The following POU6F2 variants were observed in gnomAD, a reference collection of about 807,000 sequenced individuals.
POU6F2 encodes the protein POU domain, class 6, transcription factor 2.
In POU6F2, 31 loss-of-function variants were observed where a neutral mutation model predicts 71.3. The observed-to-expected ratio is 0.43, with a 90% confidence interval of 0.33 to 0.59. The LOEUF (loss-of-function observed/expected upper bound fraction) is 0.59, where lower values mean the gene tolerates loss of function less well. POU6F2 is among the 20% of genes least tolerant of loss of function. The pLI is 0.04. For missense variants in POU6F2, 783 were observed against 856.8 expected, an observed-to-expected ratio of 0.91 and a Z score of 1.07; for synonymous variants, 347 against 355.7, an observed-to-expected ratio of 0.98 and a Z score of 0.27.
chr7:39,194,160 T>C (rs1248481410), intron 2 of POU6F2, among the ~76,000 whole-genome samples: 2 of 152,316 alleles, frequency 1.3e-5, no homozygotes, highest in South Asian at 4.1e-4. Flanking sequence ...AATCCTACCT[T>C]GCTCACATGA....
At chr7:39,130,922 C>T (rs926119188) in intron 2 of POU6F2, among the ~76,000 whole-genome samples, 1 of 152,176 alleles carries the variant, frequency 6.6e-6, no homozygotes, top group African/African-American at 2.4e-5. Flanking sequence ...CTACGGGCGC[C>T]GGGAGCCTAG....
At chr7:39,294,027 G>A (rs889144025) in intron 4 of POU6F2, among the ~76,000 whole-genome samples, 5 of 152,074 alleles carry the variant, frequency 3.3e-5, no homozygotes. Flanking sequence ...TTAAAATTGA[G>A]AGGCAATTTG....
intron 4 of POU6F2, among the ~76,000 whole-genome samples, chr7:39,301,325 G>A (rs923349374): frequency 1.3e-5 from 2 of 152,180 alleles, no homozygotes; most frequent in African/African-American, 2.4e-5. Flanking sequence ...TCAGTCCACC[G>A]TGCAGAGGGG....
intron 6 of POU6F2, among the ~76,000 whole-genome samples, chr7:39,431,073 G>T (rs1788087669): frequency 6.6e-6 from 1 of 152,146 alleles, no homozygotes; most frequent in East Asian, 1.9e-4. Flanking sequence ...TATTGATGTG[G>T]ACGCCTCCTG....
At chr7:39,413,055 C>T (rs919132546) in intron 6 of POU6F2, among the ~76,000 whole-genome samples, 1 of 151,498 alleles carries the variant, frequency 6.6e-6, no homozygotes, top group Admixed American at 6.6e-5. Context: ...CCGCCTGCCT[C>T]GGCCCCCCAA....
In POU6F2 at chr7:39,242,455, C is replaced by T. The variant is rs538367949; in HGVS notation, c.598+34835C>T. On this transcript the variant is annotated intron_variant, in intron 4 of 9. Coordinates refer to ENST00000518318, the MANE Select transcript of POU6F2 (RefSeq NM_001370959.1). ...TCTATTGGCTTTAACTTTCATTTCT[C>T]TAATGACTAATAATGTTGACCATTT... 4.6e-5 allele frequency among the ~76,000 whole-genome samples: 7 copies of T among 151,212 alleles called. No homozygotes were observed. The South Asian group carries it at 1.5e-3, about 32-fold the overall frequency.
At chr7:39,382,888 A>G (rs1786858870) in intron 5 of POU6F2, among the ~76,000 whole-genome samples, 1 of 152,342 alleles carries the variant, frequency 6.6e-6, no homozygotes, top group African/African-American at 2.4e-5. Context: ...ATTGATCTTC[A>G]TAATAATACC....
chr7:38,991,859 C>T (rs200231243), intron 1 of POU6F2, among the ~76,000 whole-genome samples: 1 of 145,802 alleles, frequency 6.9e-6, no homozygotes, highest in African/African-American at 2.6e-5. Flanking sequence ...TCTCTCTCTC[C>T]CTCTCTCTCA....
At chr7:39,217,909 G>A (rs1794274452) in intron 4 of POU6F2, among the ~76,000 whole-genome samples, 1 of 152,162 alleles carries the variant, frequency 6.6e-6, no homozygotes, top group Admixed American at 6.5e-5. Flanking sequence ...CTAGTATACT[G>A]CGTATTTAAG....
chr7:39,412,091 G>A (rs1787561611), intron 6 of POU6F2, among the ~76,000 whole-genome samples: 1 of 152,244 alleles, frequency 6.6e-6, no homozygotes, highest in Admixed American at 6.5e-5. Flanking sequence ...TCACTTCTTA[G>A]TTGTGTGGAC....
chr7:39,437,360 G>A (rs931964279), intron 7 of POU6F2, among the ~76,000 whole-genome samples: 1 of 152,198 alleles, frequency 6.6e-6, no homozygotes, highest in African/African-American at 2.4e-5. Flanking sequence ...GAGGGTGTAT[G>A]TGTCCAGGAA....
chr7:39,287,111 G>A (rs1321870992), intron 4 of POU6F2, among the ~76,000 whole-genome samples: 1 of 152,114 alleles, frequency 6.6e-6, no homozygotes, highest in Non-Finnish European at 1.5e-5. Flanking sequence ...GCCTGCTTGT[G>A]CCCACAGCAT....
chr7:39,372,061 A>G (rs905680759), intron 5 of POU6F2, among the ~76,000 whole-genome samples: 1 of 152,156 alleles, frequency 6.6e-6, no homozygotes, highest in African/African-American at 2.4e-5. Context: ...CTAGGACTAT[A>G]GGCACGCACT....
intron 1 of POU6F2, among the ~76,000 whole-genome samples, chr7:39,026,851 A>ATCATCATT (rs1281841365): frequency 1.3e-5 from 2 of 152,148 alleles, no homozygotes; most frequent in Non-Finnish European, 2.9e-5. Flanking sequence ...CATTTGTACT[A>ATCATCATT]TGATGATGGA....
intron 4 of POU6F2, among the ~76,000 whole-genome samples, chr7:39,237,990 G>A (rs890078768): frequency 2.0e-5 from 3 of 151,978 alleles, no homozygotes; most frequent in Non-Finnish European, 2.9e-5. Flanking sequence ...TCTTTGAATC[G>A]CAGTCTTTGA....
intron 4 of POU6F2, among the ~76,000 whole-genome samples, chr7:39,324,509 C>G (rs1372281703): frequency 6.6e-6 from 1 of 152,208 alleles, no homozygotes; most frequent in Non-Finnish European, 1.5e-5. Context: ...AGCTGAGCCC[C>G]CTGATGATTT....
chr7:39,053,345 A>G (rs866189426), intron 1 of POU6F2, among the ~76,000 whole-genome samples: 2 of 152,082 alleles, frequency 1.3e-5, no homozygotes, highest in African/African-American at 4.8e-5. Context: ...TTTGCCCAAT[A>G]AGGTACTTTC....
intron 2 of POU6F2, among the ~76,000 whole-genome samples, chr7:39,173,991 A>G (rs998048526): frequency 7.2e-5 from 11 of 152,228 alleles, no homozygotes; most frequent in African/African-American, 2.7e-4. Flanking sequence ...ATAACTGAAA[A>G]GAGAGTTTGG....
chr7:39,022,557 T>G (rs1384405454), intron 1 of POU6F2, among the ~76,000 whole-genome samples: 4 of 152,100 alleles, frequency 2.6e-5, no homozygotes, highest in African/African-American at 4.8e-5. Context: ...CTTTTTAAAT[T>G]TTGTCATCAT....
Sources: allele counts gnomAD v4.1 joint callset (sites outside exome capture counted in the v4.1 genomes callset), GRCh38; gene constraint gnomAD v4.1.1; transcripts MANE v1.5; gene names NCBI Gene and HGNC (gene_info 2026-07-23, HGNC 2026-07-21).